Variants in NUBPL observed in about 807,000 individuals in gnomAD.
NUBPL encodes the protein iron-sulfur cluster transfer protein NUBPL.
In NUBPL, 31 loss-of-function variants were observed where a neutral mutation model predicts 45.7. The observed-to-expected ratio is 0.68, with a 90% confidence interval of 0.51 to 0.92. NUBPL has a LOEUF of 0.92. NUBPL is among the 40% of genes least tolerant of loss of function. The pLI, the probability that NUBPL is intolerant of heterozygous loss-of-function variation, is 0.00. For missense variants in NUBPL, 401 were observed against 398.7 expected, an observed-to-expected ratio of 1.01 and a Z score of -0.05; for synonymous variants, 144 against 140.9, an observed-to-expected ratio of 1.02 and a Z score of -0.15.
At position 31,813,099 on chromosome 14, in the gene NUBPL, G is replaced by A. The variant is rs116507504; in HGVS notation, c.608-13530G>A. On this transcript the variant is annotated intron_variant, in intron 7 of 10. Coordinates refer to ENST00000281081, the MANE Select transcript of NUBPL (RefSeq NM_025152.3). ...TGCCTCCTGGGTTCACGCCATTCTC[G>A]TTTCAGCCTCCCAAGTAGCTGGGAC... is the stretch of plus-strand genomic sequence containing the variant. 2.2e-3 allele frequency among the ~76,000 whole-genome samples: 334 copies of A among 150,060 alleles called. 3 individuals carry two copies. The highest frequency in any genetic ancestry group is 7.7e-3 in the African/African-American group (315 of 40,812).
Position 31,704,530 on chromosome 14 carries a change from G to T in NUBPL, c.513+30956G>T, listed in dbSNP as rs183376633. Among the ~76,000 whole-genome samples the T allele has an allele frequency of 1.2e-4, 19 of 152,146 alleles. No homozygotes were observed. In the East Asian group the frequency reaches 3.3e-3, roughly 26 times the overall value. On this transcript the variant is annotated intron_variant, in intron 6 of 10. Coordinates refer to ENST00000281081, the MANE Select transcript of NUBPL (RefSeq NM_025152.3). The stretch of plus-strand genomic sequence containing the variant: ...AATACAAAATTAGCCAGGCATGGTG[G>T]TGCATGCCTGTAATCCCAGCTACTC...
At chr14:31,726,335 A>G (rs1374866929) in intron 6 of NUBPL, among the ~76,000 whole-genome samples, 2 of 152,244 alleles carry the variant, frequency 1.3e-5, no homozygotes, top group African/African-American at 4.8e-5. Flanking sequence ...AAGGGCTGTC[A>G]TGTGAAACAG....
intron 6 of NUBPL, among the ~76,000 whole-genome samples, chr14:31,783,407 T>C (rs1212263191): frequency 5.3e-5 from 8 of 152,124 alleles, no homozygotes; most frequent in Admixed American, 4.6e-4. Context: ...GTGATGAAGG[T>C]ACTGGCCCAG....
intron 6 of NUBPL, among the ~76,000 whole-genome samples, chr14:31,774,535 G>C (rs2039065196): frequency 6.6e-6 from 1 of 152,124 alleles, no homozygotes; most frequent in South Asian, 2.1e-4. Context: ...AGAGACCCGA[G>C]TTCTTTTCCT....
At chr14:31,689,599 T>C (rs1238425979) in intron 6 of NUBPL, among the ~76,000 whole-genome samples, 1 of 152,162 alleles carries the variant, frequency 6.6e-6, no homozygotes, top group Non-Finnish European at 1.5e-5. Context: ...ATATTTTCTC[T>C]CATTCTGTAG....
At position 31,650,438 on chromosome 14, in the gene NUBPL, C is replaced by T. The variant is rs559796388; in HGVS notation, c.383-22917C>T. On this transcript the variant is annotated intron_variant, in intron 4 of 10. Coordinates refer to ENST00000281081, the MANE Select transcript of NUBPL (RefSeq NM_025152.3). ...CGAGGTAGCTGGGACTACAGGCGCC[C>T]GCCACCACACCCGGCTAATTTTTTG... is the stretch of plus-strand genomic sequence containing the variant. 1.5e-4 allele frequency among the ~76,000 whole-genome samples: 23 copies of T among 151,852 alleles called. No individual in the cohort carries two copies. The East Asian group carries it at 1.6e-3, about 10-fold the overall frequency.
chr14:31,654,677 G>C (rs1399683287), intron 4 of NUBPL, among the ~76,000 whole-genome samples: 1 of 152,090 alleles, frequency 6.6e-6, no homozygotes, highest in Non-Finnish European at 1.5e-5. Flanking sequence ...CCAAAGTGCT[G>C]GGATTACAGG....
chr14:31,722,006 T>C (rs1275783644), intron 6 of NUBPL, among the ~76,000 whole-genome samples: 1 of 152,158 alleles, frequency 6.6e-6, no homozygotes, highest in African/African-American at 2.4e-5. Context: ...ATTTTCTTTT[T>C]TTTCTTTTGA....
intron 4 of NUBPL, among the ~76,000 whole-genome samples, chr14:31,634,269 T>C (rs866693407): frequency 8.6e-6 from 1 of 116,378 alleles, no homozygotes; most frequent in African/African-American, 3.4e-5. Flanking sequence ...CCCGAGAGTG[T>C]GATCTTCCCC....
At chr14:31,718,875 T>A (rs1364811492) in intron 6 of NUBPL, among the ~76,000 whole-genome samples, 1 of 152,164 alleles carries the variant, frequency 6.6e-6, no homozygotes, top group Non-Finnish European at 1.5e-5. Context: ...TAATTGAAAT[T>A]GAGTATGAAC....
chr14:31,852,726 C>A (rs1299552821), intron 10 of NUBPL, among the ~76,000 whole-genome samples: 2 of 152,058 alleles, frequency 1.3e-5, no homozygotes, highest in Non-Finnish European at 2.9e-5. Flanking sequence ...GAGAAGAATT[C>A]CCAGCTTCAA....
chr14:31,658,459 T>C (rs985686231), intron 4 of NUBPL, among the ~76,000 whole-genome samples: 1 of 152,068 alleles, frequency 6.6e-6, no homozygotes, highest in African/African-American at 2.4e-5. Flanking sequence ...AAATAATATT[T>C]CACTGCACTA....
chr14:31,562,291 T>A, intron 2 of NUBPL, 76 bp downstream of exon 2: 1 of 1,371,334 alleles, frequency 7.3e-7, no homozygotes. Context: ...GAAATTATAG[T>A]TTTGTGTTTT....
Position 31,854,343 on chromosome 14 carries a change from T to G in NUBPL, c.897+4142T>G, listed in dbSNP as rs553431277. 8.5e-5 allele frequency among the ~76,000 whole-genome samples: 13 copies of G among 152,358 alleles called. No homozygotes were observed. The South Asian group carries it at 2.7e-3, about 32-fold the overall frequency. On this transcript the variant is annotated intron_variant, in intron 10 of 10. Coordinates refer to ENST00000281081, the MANE Select transcript of NUBPL (RefSeq NM_025152.3). ...ATGAAAGAAGAGAGTATTAATAGTT[T>G]GAGTTATCTCAGTTATGTCCTTTAC...
At chr14:31,639,798 T>TC (rs1404481232) in intron 4 of NUBPL, among the ~76,000 whole-genome samples, 1 of 151,994 alleles carries the variant, frequency 6.6e-6, no homozygotes, top group Non-Finnish European at 1.5e-5. Flanking sequence ...CGGGCGCCCC[T>TC]CCCCCAGCCT....
intron 4 of NUBPL, among the ~76,000 whole-genome samples, chr14:31,601,758 T>C (rs2034440210): frequency 6.6e-6 from 1 of 152,170 alleles, no homozygotes; most frequent in Non-Finnish European, 1.5e-5. Context: ...GGAGAGGATG[T>C]GGAGAAATAG....
chr14:31,688,767 A>T (rs745977277), intron 6 of NUBPL, among the ~76,000 whole-genome samples: 4 of 150,730 alleles, frequency 2.7e-5, no homozygotes, highest in Non-Finnish European at 5.9e-5. Flanking sequence ...TCACCCAGGT[A>T]CTAAGCCTAG....
chr14:31,750,320 C>T (rs1232784142), intron 6 of NUBPL, among the ~76,000 whole-genome samples: 6 of 149,390 alleles, frequency 4.0e-5, no homozygotes, highest in Middle Eastern at 3.2e-3. Flanking sequence ...GGACTACAGG[C>T]GCCCACCACC....
At chr14:31,620,768 C>A (rs969607895) in intron 4 of NUBPL, among the ~76,000 whole-genome samples, 2 of 152,180 alleles carry the variant, frequency 1.3e-5, no homozygotes, top group African/African-American at 4.8e-5. Context: ...GTCAGGGACC[C>A]CCTTGAGTAG....
Sources: allele counts gnomAD v4.1 joint callset (sites outside exome capture counted in the v4.1 genomes callset), GRCh38; gene constraint gnomAD v4.1.1; transcripts MANE v1.5; gene names NCBI Gene and HGNC (gene_info 2026-07-23, HGNC 2026-07-21).